GNAO1: variants seen among roughly 807,000 people sequenced by gnomAD.
GNAO1 encodes G protein subunit alpha o1.
For synonymous variants in GNAO1, 164 were observed against 180.7 expected, an observed-to-expected ratio of 0.91 and a Z score of 0.74; for missense variants, 166 against 478.7, an observed-to-expected ratio of 0.35 and a Z score of 6.10.
intron 2 of GNAO1, chr16:56,193,980 C>G: frequency 5.2e-6 from 2 of 381,752 alleles, no homozygotes; most frequent in Non-Finnish European, 1.1e-5. Context: ...ATAAAAACCC[C>G]TTTCGTGGGA....
At position 56,351,725 on chromosome 16, in the gene GNAO1, T is replaced by C. The variant is rs2037923189; in HGVS notation, c.877+188T>C. ...GTTTGGGCTTCCCAGGACACAGCCC[T>C]CAGCGTGGTGGAAATGGCCCCTCCT... On this transcript the variant is annotated intron_variant, in intron 7 of 8. Coordinates refer to ENST00000262493, the MANE Select transcript of GNAO1 (RefSeq NM_020988.3). The surrounding 1 kb of genome is among the most constrained non-coding windows in gnomAD (Gnocchi z 6.1). Among the ~76,000 whole-genome samples, 1 of 152,162 alleles carries C rather than the reference T, an allele frequency of 6.6e-6. No homozygotes were observed.
chr16:56,299,150 C>A (rs1027070248), intron 3 of GNAO1, among the ~76,000 whole-genome samples: 2 of 152,202 alleles, frequency 1.3e-5, no homozygotes, highest in Middle Eastern at 3.2e-3. Context: ...GCAGAGCCAG[C>A]AACAAGACCC....
chr16:56,244,473 C>T (rs1018434846), intron 2 of GNAO1, among the ~76,000 whole-genome samples: 52 of 152,176 alleles, frequency 3.4e-4, no homozygotes, highest in African/African-American at 1.2e-3. Flanking sequence ...ACCCTGGTTA[C>T]CTCCAGCTGA....
chr16:56,218,421 C>T (rs1380938575), intron 2 of GNAO1, among the ~76,000 whole-genome samples: 4 of 152,162 alleles, frequency 2.6e-5, no homozygotes, highest in Admixed American at 1.3e-4. Flanking sequence ...GTGGAGCACA[C>T]GTGCCCTGCT....
At chr16:56,248,567 G>T (rs562173172) in intron 2 of GNAO1, among the ~76,000 whole-genome samples, 1 of 152,338 alleles carries the variant, frequency 6.6e-6, no homozygotes, top group East Asian at 1.9e-4. Flanking sequence ...TATGTCAGGG[G>T]CAGATAGGCT....
At chr16:56,337,599 C>G (rs1417634308) in intron 6 of GNAO1, among the ~76,000 whole-genome samples, 3 of 152,250 alleles carry the variant, frequency 2.0e-5, no homozygotes, top group Admixed American at 6.5e-5. Flanking sequence ...TGAATTTAGG[C>G]AGCACCCTTT....
At chr16:56,193,492 A>G (rs1177014516) in intron 2 of GNAO1, 1 of 163,908 alleles carries the variant, frequency 6.1e-6, no homozygotes, top group Non-Finnish European at 1.3e-5. Context: ...TCTACCCACA[A>G]TGCGGATTTC....
intron 6 of GNAO1, among the ~76,000 whole-genome samples, chr16:56,340,094 G>A (rs1188861222): frequency 2.6e-5 from 4 of 152,204 alleles, no homozygotes; most frequent in Admixed American, 2.6e-4. Context: ...CCCTGAGACT[G>A]GTTGAACCAA....
rs866264996 is a variant in GNAO1 at position 56,351,669 on chromosome 16, G to A, written c.877+132G>A. 4 of 688,458 alleles carry A rather than the reference G, an allele frequency of 5.8e-6. No individual in the cohort carries two copies. The Middle Eastern group carries it at 8.2e-4, about 142-fold the overall frequency. The allele number at this position is 688,458 out of a possible 1,614,324, so 42.6% of individuals were successfully genotyped here. ...GGACCCATTGCAGGAGACTGGTGGG[G>A]CGCAAAAGAAAAACAGTGCTGTGCC... On this transcript the variant is annotated intron_variant, in intron 7 of 8. Coordinates refer to ENST00000262493, the MANE Select transcript of GNAO1 (RefSeq NM_020988.3). The surrounding 1 kb of genome is among the most constrained non-coding windows in gnomAD (Gnocchi z 6.1).
At chr16:56,207,666 A>G (rs535778274) in intron 2 of GNAO1, among the ~76,000 whole-genome samples, 4 of 152,336 alleles carry the variant, frequency 2.6e-5, no homozygotes, top group African/African-American at 7.2e-5. Flanking sequence ...TTGTTGACAC[A>G]GGATATAATA....
intron 2 of GNAO1, among the ~76,000 whole-genome samples, chr16:56,204,234 A>C (rs1031477854): frequency 6.6e-6 from 1 of 152,186 alleles, no homozygotes; most frequent in South Asian, 2.1e-4. Context: ...AGCAGAGAGG[A>C]TATGGCAGGT....
intron 6 of GNAO1, chr16:56,343,817 A>G (rs1168271775): frequency 1.3e-6 from 2 of 1,577,832 alleles, no homozygotes; most frequent in Non-Finnish European, 1.7e-6. Flanking sequence ...TACGAGAGCA[A>G]GAACAAGTCA....
chr16:56,210,904 T>G (rs9888854), intron 2 of GNAO1, among the ~76,000 whole-genome samples: 71,451 of 152,082 alleles, frequency 0.47, 16,997 homozygotes, highest in East Asian at 0.6. Flanking sequence ...TTTTTTGAAT[T>G]GCATTTTGTA....
At chr16:56,247,017 C>G (rs1212942724) in intron 2 of GNAO1, among the ~76,000 whole-genome samples, 4 of 152,248 alleles carry the variant, frequency 2.6e-5, no homozygotes, top group African/African-American at 9.6e-5. Flanking sequence ...ATGTGGCCCT[C>G]TGCCAGAGTA....
At chr16:56,335,521 A>G (rs2037732213) in intron 5 of GNAO1, among the ~76,000 whole-genome samples, 1 of 152,204 alleles carries the variant, frequency 6.6e-6, no homozygotes, top group Non-Finnish European at 1.5e-5. Flanking sequence ...AGGGGAGGGC[A>G]GGGACCCCTG....
chr16:56,250,465 G>A (rs1481103460), intron 2 of GNAO1, among the ~76,000 whole-genome samples: 1 of 152,202 alleles, frequency 6.6e-6, no homozygotes, highest in Non-Finnish European at 1.5e-5. Context: ...GCTGATGCCA[G>A]GTTTAGTTGG....
In GNAO1 at chr16:56,345,767, C is replaced by CA. The variant is rs1299093936; in HGVS notation, c.724-5616dup. 8.4e-5 allele frequency: 83 copies of CA among 985,560 alleles called. No homozygotes were observed. The South Asian group carries it at 3.6e-3, about 42-fold the overall frequency. The allele number at this position is 985,560 out of a possible 1,614,324, so 61.1% of individuals were successfully genotyped here. ...ATCCCGCCCAACACAGAAGACATGGCAGTTATTTCTCAGCAGCACCACGCT... is the reference window on the plus strand; with the variant it reads ...ATCCCGCCCAACACAGAAGACATGGCAAGTTATTTCTCAGCAGCACCACGCT... On this transcript the variant is annotated intron_variant, in intron 6 of 8. Transcript: ENST00000262493.
intron 2 of GNAO1, chr16:56,235,119 G>A: frequency 2.9e-6 from 1 of 350,550 alleles, no homozygotes; most frequent in Non-Finnish European, 5.6e-6. Flanking sequence ...CTCTCAGGGT[G>A]CAGTTCGAAG....
rs945086302 is a variant in GNAO1 at position 56,336,521 on chromosome 16, C to G, written c.594-210C>G. 7 of 537,334 alleles carry G rather than the reference C, an allele frequency of 1.3e-5. No homozygotes were observed. In the East Asian group the frequency reaches 2.2e-4, roughly 17 times the overall value. The allele number at this position is 537,334 out of a possible 1,614,324, so 33.3% of individuals were successfully genotyped here. A position where few individuals can be genotyped will look rare whatever the true frequency, so the allele number is the denominator to read the frequency against. The stretch of plus-strand genomic sequence containing the variant: ...CATGATCTGTGAGCACAGCCAGTCC[C>G]AGGACAGACTCCAGGGGTAGTGCCT... On this transcript the variant is annotated intron_variant, in intron 5 of 8. Coordinates refer to ENST00000262493, the MANE Select transcript of GNAO1 (RefSeq NM_020988.3).
Sources: allele counts gnomAD v4.1 joint callset (sites outside exome capture counted in the v4.1 genomes callset), GRCh38; gene constraint gnomAD v4.1.1; non-coding constraint Gnocchi (gnomAD v3.1); transcripts MANE v1.5; gene names NCBI Gene and HGNC (gene_info 2026-07-23, HGNC 2026-07-21).